The following LIPJ variants were observed in gnomAD, a reference collection of about 807,000 sequenced individuals.
The protein encoded by LIPJ is lipase family member J.
Under a neutral mutation model 39.8 loss-of-function variants are expected in LIPJ, and 33 were observed. The ratio of observed to expected loss-of-function variants is 0.83; its 90% CI spans 0.63 to 1.11. LIPJ has a LOEUF of 1.11. LIPJ is among the 50% of genes least tolerant of loss of function. LIPJ has a pLI of 0.00. For synonymous variants in LIPJ, 128 were observed against 139.2 expected (o/e 0.92, Z 0.57); for missense variants, 422 against 427.9 (o/e 0.99, Z 0.12).
chr10:88,585,304 T>C (rs1470039246), upstream of LIPJ, among the ~76,000 whole-genome samples: 1 of 152,232 alleles, frequency 6.6e-6, no homozygotes, highest in Admixed American at 6.5e-5. Flanking sequence ...TCCTCATTTC[T>C]ATTAATAATT....
At chr10:88,591,554 G>A in intron 4 of LIPJ, 56 bp downstream of exon 4, 1 of 1,476,574 alleles carries the variant, frequency 6.8e-7, no homozygotes, top group Non-Finnish European at 9.2e-7. Flanking sequence ...GTTCTTAATT[G>A]CTCCAATTGA....
At chr10:88,617,012 C>T in the LIPJ span, among the ~76,000 whole-genome samples, 1 of 152,122 alleles carries the variant, frequency 6.6e-6, no homozygotes, top group Non-Finnish European at 1.5e-5. Context: ...CATAGCCCCA[C>T]CACTCTCTTC....
At chr10:88,585,237 G>A (rs1488957138), upstream of LIPJ, among the ~76,000 whole-genome samples, 1 of 152,186 alleles carries the variant, frequency 6.6e-6, no homozygotes, top group African/African-American at 2.4e-5. Context: ...TGAAGCAAGG[G>A]CAGGCCTTCA....
At chr10:88,595,787 A>G (rs921391376) in intron 6 of LIPJ, among the ~76,000 whole-genome samples, 1 of 151,520 alleles carries the variant, frequency 6.6e-6, no homozygotes, top group Non-Finnish European at 1.5e-5. Context: ...AAAAATGACT[A>G]TTTTTCACAT....
the LIPJ span, among the ~76,000 whole-genome samples, chr10:88,616,779 G>T: frequency 6.6e-5 from 10 of 152,342 alleles, no homozygotes; most frequent in Admixed American, 2.0e-4. Context: ...AGGCAAGCCT[G>T]CTTCCTGGGG....
exon 4 of LIPJ, chr10:88,591,475 G>A: frequency 6.3e-7 from 1 of 1,597,998 alleles, no homozygotes; most frequent in Non-Finnish European, 8.5e-7. Flanking sequence ...CCTTATTGGA[G>A]GACAGACAAT....
At chr10:88,601,991 T>C (rs1244762704) in intron 8 of LIPJ, among the ~76,000 whole-genome samples, 1 of 152,190 alleles carries the variant, frequency 6.6e-6, no homozygotes, top group East Asian at 1.9e-4. Flanking sequence ...AATGCAAACA[T>C]AGATTACAGA....
chr10:88,608,411 A>G (rs899544580), downstream of LIPJ, among the ~76,000 whole-genome samples: 1 of 152,172 alleles, frequency 6.6e-6, no homozygotes, highest in Admixed American at 6.5e-5. Context: ...GTGAACCTCA[A>G]ATTAGTCTAA....
intron 10 of LIPJ, among the ~76,000 whole-genome samples, chr10:88,606,270 T>G (rs1423630936): frequency 6.6e-6 from 1 of 152,198 alleles, no homozygotes; most frequent in Non-Finnish European, 1.5e-5. Context: ...CTGATCTTCA[T>G]ATAAAATTTG....
intron 8 of LIPJ, among the ~76,000 whole-genome samples, chr10:88,599,316 A>G (rs1158725446): frequency 6.6e-6 from 1 of 151,954 alleles, no homozygotes; most frequent in East Asian, 1.9e-4. Context: ...TCAAGTATAC[A>G]GTACAGTATT....
In LIPJ at chr10:88,590,909, A is replaced by T. The variant is rs113975146; in HGVS notation, c.9+213A>T. On this transcript the variant is annotated intron_variant, in intron 3 of 10. Coordinates refer to ENST00000371939, the Ensembl canonical transcript of LIPJ. ...CTATATTCATACTTTCACATATTTGAAATATATATTCATATATATGAAGGT... is the reference window on the plus strand; with the variant it reads ...CTATATTCATACTTTCACATATTTGTAATATATATTCATATATATGAAGGT... Among the ~76,000 whole-genome samples the T allele has an allele frequency of 1.4e-3, 210 of 151,966 alleles. 1 individual carries two copies. The highest frequency in any genetic ancestry group is 4.8e-3 in the African/African-American group (201 of 41,522).
intron 8 of LIPJ, among the ~76,000 whole-genome samples, chr10:88,600,214 T>G (rs963432980): frequency 2.6e-5 from 4 of 152,300 alleles, no homozygotes; most frequent in Middle Eastern, 3.4e-3. Flanking sequence ...TCATCAAACT[T>G]AAACATTCTC....
At position 88,601,896 on chromosome 10, in the gene LIPJ, GC is replaced by G. The variant is rs541451300; in HGVS notation, c.724-679del. ...TTTTCTTCTTGTGGAAATAAAACTT[GC>G]TTGCTTTTTCAAGGCACCTGAGGTC... On this transcript the variant is annotated intron_variant, in intron 8 of 10. Coordinates refer to ENST00000371939, the Ensembl canonical transcript of LIPJ. Among the ~76,000 whole-genome samples the G allele has an allele frequency of 2.4e-4, 36 of 152,158 alleles. No homozygotes were observed. In the East Asian group the frequency reaches 3.9e-3, roughly 16 times the overall value.
downstream of LIPJ, among the ~76,000 whole-genome samples, chr10:88,610,641 C>G (rs192165637): frequency 8.4e-3 from 1,282 of 152,034 alleles, 9 homozygotes; most frequent in Non-Finnish European, 0.015. Flanking sequence ...CAAGACTTAC[C>G]ACAAACCTGC....
downstream of LIPJ, among the ~76,000 whole-genome samples, chr10:88,611,924 G>A (rs1851757113): frequency 6.6e-6 from 1 of 152,160 alleles, no homozygotes; most frequent in Non-Finnish European, 1.5e-5. Context: ...GAACAACTGG[G>A]AAATTAATTG....
chr10:88,598,375 G>C (rs1475465858), intron 8 of LIPJ, among the ~76,000 whole-genome samples: 2 of 152,012 alleles, frequency 1.3e-5, no homozygotes, highest in Admixed American at 1.3e-4. Context: ...AAGTCATGAT[G>C]CAAGAAAAAA....
chr10:88,588,016 T>C (rs1850964335), intron 2 of LIPJ, among the ~76,000 whole-genome samples: 1 of 152,028 alleles, frequency 6.6e-6, no homozygotes, highest in Non-Finnish European at 1.5e-5. Flanking sequence ...TTATTTTACA[T>C]GTATAAAAGA....
At chr10:88,590,882 AACTATATTCATACTTTCACAT>A (rs1851055342) in intron 3 of LIPJ, among the ~76,000 whole-genome samples, 186 bp downstream of exon 3, 2 of 151,852 alleles carry the variant, frequency 1.3e-5, no homozygotes, top group Admixed American at 6.6e-5. Context: ...AAAAATGTGT[AACTATATTCATACTTTCACAT>A]ATTTGAAATA....
chr10:88,612,155 T>C, the LIPJ span, among the ~76,000 whole-genome samples: 1 of 152,178 alleles, frequency 6.6e-6, no homozygotes, highest in Non-Finnish European at 1.5e-5. Context: ...GAATTTTGTA[T>C]CCAGCAAAAC....
Sources: gnomAD v4.1 joint callset for allele counts (sites outside exome capture counted in the v4.1 genomes callset) on GRCh38, gnomAD v4.1.1 for gene constraint, MANE v1.5 for transcripts, NCBI Gene and HGNC (gene_info 2026-07-23, HGNC 2026-07-21) for gene names.